LIMS1: variants seen among roughly 807,000 people sequenced by gnomAD.
The protein encoded by LIMS1 is LIM and senescent cell antigen-like-containing domain protein 1.
LIMS1 carries 18 observed loss-of-function variants against 44.1 expected under a neutral mutation model. That is an observed-to-expected ratio of 0.41 (90% confidence interval 0.28 to 0.61). LIMS1 has a LOEUF of 0.61. LIMS1 is among the 20% of genes least tolerant of loss of function. The pLI is 0.32. For synonymous variants in LIMS1, 93 were observed against 149.1 expected (o/e 0.62, Z 2.74); for missense variants, 201 against 422.0 (o/e 0.48, Z 4.59).
chr2:108,538,963 T>G (rs180839072), intron 1 of LIMS1, among the ~76,000 whole-genome samples: 1 of 152,372 alleles, frequency 6.6e-6, no homozygotes, highest in East Asian at 1.9e-4. Context: ...TTTTAATGGC[T>G]GCATAGTATT....
In LIMS1 at chr2:108,642,131, C is replaced by T. The variant is rs540077039; in HGVS notation, c.33-17474C>T. ...TAGTAGTTGTTATTGCCAAGTGCTC[C>T]GTTTAGCCATCAGTTATGCAAATCT... On this transcript the variant is annotated intron_variant, in intron 1 of 9. Coordinates refer to ENST00000544547, the Ensembl canonical transcript of LIMS1. Among the ~76,000 whole-genome samples the T allele has an allele frequency of 4.4e-4, 67 of 152,150 alleles. 1 individual carries two copies. Among genetic ancestry groups the T allele is most frequent in the Admixed American group, 8.5e-4 (13 of 15,260 alleles).
chr2:108,548,251 G>A (rs1684554925), intron 1 of LIMS1, among the ~76,000 whole-genome samples: 1 of 151,696 alleles, frequency 6.6e-6, no homozygotes, highest in South Asian at 2.1e-4. Flanking sequence ...TGGGTGTAAG[G>A]GTAATTGCTG....
intron 1 of LIMS1, among the ~76,000 whole-genome samples, chr2:108,577,768 G>A (rs1685722922): frequency 6.6e-6 from 1 of 152,072 alleles, no homozygotes; most frequent in South Asian, 2.1e-4. Context: ...AGCATTTCTG[G>A]GAACTTAATA....
chr2:108,657,293 G>T (rs1178767968), intron 1 of LIMS1, among the ~76,000 whole-genome samples: 1 of 151,380 alleles, frequency 6.6e-6, no homozygotes, highest in African/African-American at 2.4e-5. Context: ...GGACATTCTA[G>T]AATATTCTTT....
chr2:108,643,541 TC>T (rs1339270464), intron 1 of LIMS1, among the ~76,000 whole-genome samples: 1 of 151,632 alleles, frequency 6.6e-6, no homozygotes, highest in African/African-American at 2.4e-5. Context: ...GCCCTGGGTT[TC>T]CAGCACAAAA....
chr2:108,611,564 A>G (rs763935093), intron 1 of LIMS1, among the ~76,000 whole-genome samples: 4 of 152,174 alleles, frequency 2.6e-5, no homozygotes, highest in Admixed American at 6.5e-5. Flanking sequence ...ATAGTTCCCT[A>G]GAGTGTTTTG....
chr2:108,537,076 G>T (rs573884563), intron 1 of LIMS1, among the ~76,000 whole-genome samples: 2 of 152,310 alleles, frequency 1.3e-5, no homozygotes, highest in East Asian at 1.9e-4. Context: ...TAAAGGTAAA[G>T]AATTCAGGGA....
rs1692968523 is a variant in LIMS1 at position 108,681,161 on chromosome 2, G to A, written c.899+391G>A. 6.3e-6 allele frequency: 8 copies of A among 1,277,428 alleles called. No individual in the cohort carries two copies. In the East Asian group the frequency reaches 2.1e-4, roughly 34 times the overall value. 79.1% of individuals were successfully genotyped at this position (1,277,428 alleles called of 1,614,324 possible). A position where few individuals can be genotyped will look rare whatever the true frequency, so the allele number is the denominator to read the frequency against. On this transcript the variant is annotated intron_variant, in intron 9 of 9. Coordinates refer to ENST00000544547, the Ensembl canonical transcript of LIMS1. ...ATCATTTTCACTGCTTTCTCCTTTG[G>A]TTAGTCCTTTGGAATATGTTTTTGT...
chr2:108,654,990 G>T (rs953512252), intron 1 of LIMS1: 2 of 1,566,342 alleles, frequency 1.3e-6, no homozygotes, highest in African/African-American at 2.7e-5. Flanking sequence ...CCCTGGCTGG[G>T]AAGCAGGGAG....
In LIMS1 at chr2:108,588,345, GA is replaced by G. The variant is rs1484519716; in HGVS notation, c.32+53753del. ...ACAACAGAGACAAAGCTAAGATGAG[GA>G]AGTTCTGTACAGTTTAGGAAATAGA... On this transcript the variant is annotated intron_variant, in intron 1 of 9. Transcript: ENST00000544547. 3.0e-5 allele frequency: 30 copies of G among 985,300 alleles called. No individual in the cohort carries two copies. The African/African-American group carries it at 5.1e-4, about 17-fold the overall frequency. The allele number at this position is 985,300 out of a possible 1,614,324, so 61.0% of individuals were successfully genotyped here.
chr2:108,627,786 A>G lies in LIMS1; in HGVS notation c.33-31819A>G, dbSNP rs1394893295. Among the ~76,000 whole-genome samples the G allele has an allele frequency of 2.6e-5, 4 of 152,238 alleles. No individual in the cohort carries two copies. The East Asian group carries it at 7.7e-4, about 29-fold the overall frequency. Reference sequence around the variant, plus strand: ...CATTGGCTATTCTGTGACTAAAACAAACTTTGGACGTGAATATTTTCTTAT... The same window carrying G: ...CATTGGCTATTCTGTGACTAAAACAGACTTTGGACGTGAATATTTTCTTAT... On this transcript the variant is annotated intron_variant, in intron 1 of 9. Coordinates refer to ENST00000544547, the Ensembl canonical transcript of LIMS1.
exon 10 of LIMS1, chr2:108,686,169 A>T (rs1248815177): frequency 7.9e-5 from 12 of 151,848 alleles, no homozygotes; most frequent in Admixed American, 7.9e-4. Context: ...CTACAAAAAA[A>T]TTAGCCGGGC....
chr2:108,617,169 A>G (rs1687974051), intron 1 of LIMS1, among the ~76,000 whole-genome samples: 1 of 152,216 alleles, frequency 6.6e-6, no homozygotes, highest in Non-Finnish European at 1.5e-5. Context: ...AACTCTGTAT[A>G]GGAGAAATAA....
intron 1 of LIMS1, among the ~76,000 whole-genome samples, chr2:108,560,143 G>T (rs1222355493): frequency 6.6e-6 from 1 of 151,566 alleles, no homozygotes; most frequent in African/African-American, 2.4e-5. Context: ...TTTTTGAGTG[G>T]ATGATGAGGT....
chr2:108,639,398 C>T (rs1689507762), intron 1 of LIMS1, among the ~76,000 whole-genome samples: 1 of 152,230 alleles, frequency 6.6e-6, no homozygotes, highest in Non-Finnish European at 1.5e-5. Context: ...ATTCTAAAGT[C>T]ACCTTGCAAC....
At chr2:108,534,836 CG>C (rs1169216878) in intron 1 of LIMS1, among the ~76,000 whole-genome samples, 1 of 152,094 alleles carries the variant, frequency 6.6e-6, no homozygotes, top group Non-Finnish European at 1.5e-5. Flanking sequence ...GACGCCGCCC[CG>C]CTGCTCCGAG....
At chr2:108,583,452 C>A (rs1685967142) in intron 1 of LIMS1, among the ~76,000 whole-genome samples, 1 of 151,936 alleles carries the variant, frequency 6.6e-6, no homozygotes, top group South Asian at 2.1e-4. Flanking sequence ...GTATGATGAA[C>A]ATTTGGGGTT....
At chr2:108,632,512 C>G (rs774938892) in intron 1 of LIMS1, among the ~76,000 whole-genome samples, 16 of 152,104 alleles carry the variant, frequency 1.1e-4, no homozygotes, top group Non-Finnish European at 2.4e-4. Flanking sequence ...AAGGAAAACT[C>G]AAGGGAGGAT....
At chr2:108,584,485 T>TA (rs1433676971) in intron 1 of LIMS1, among the ~76,000 whole-genome samples, 1 of 151,822 alleles carries the variant, frequency 6.6e-6, no homozygotes, top group Non-Finnish European at 1.5e-5. Context: ...TAGCTAAACT[T>TA]TATTAAGTAT....
Sources: allele counts gnomAD v4.1 joint callset (sites outside exome capture counted in the v4.1 genomes callset), GRCh38; gene constraint gnomAD v4.1.1; transcripts MANE v1.5; gene names NCBI Gene and HGNC (gene_info 2026-07-23, HGNC 2026-07-21).